Variants in NLGN4X observed in about 807,000 individuals in gnomAD.
NLGN4X encodes neuroligin-4, X-linked.
NLGN4X carries 3 observed loss-of-function variants against 40.3 expected under a neutral mutation model. The observed-to-expected ratio is 0.07, with a 90% CI of 0.03 to 0.19. The LOEUF (loss-of-function observed/expected upper bound fraction) is 0.19. Ranked by LOEUF, NLGN4X falls within the 10% of genes least tolerant of loss-of-function variation. NLGN4X has a pLI of 1.00. For synonymous variants in NLGN4X, 270 were observed against 306.8 expected, an observed-to-expected ratio of 0.88 and a Z score of 1.25; for missense variants, 382 against 708.3, an observed-to-expected ratio of 0.54 and a Z score of 5.23.
At chrX:6,044,899 C>A (rs185701118) in intron 2 of NLGN4X, among the ~76,000 whole-genome samples, 2 of 112,396 alleles carry the variant, frequency 1.8e-5, no homozygotes, top group Non-Finnish European at 3.8e-5. Context: ...TCTAAAGGAA[C>A]ACTTAGGGAA....
At chrX:6,158,974 C>T (rs1451745438) in intron 1 of NLGN4X, among the ~76,000 whole-genome samples, 2 of 111,808 alleles carry the variant, frequency 1.8e-5, no homozygotes, top group Non-Finnish European at 3.8e-5. Flanking sequence ...TTGCCACAAT[C>T]CAGATATCCA....
chrX:5,984,979 AAAT>A (rs1299914732), intron 3 of NLGN4X, among the ~76,000 whole-genome samples: 2 of 112,154 alleles, frequency 1.8e-5, no homozygotes, highest in East Asian at 2.8e-4. Context: ...ATTAATATTG[AAAT>A]AATAAGATAA....
intron 3 of NLGN4X, among the ~76,000 whole-genome samples, chrX:6,017,668 G>T (rs1220249692): frequency 2.7e-5 from 3 of 111,836 alleles, no homozygotes; most frequent in Non-Finnish European, 3.8e-5. Flanking sequence ...TCAGTCAGTA[G>T]AAATCATATT....
intron 2 of NLGN4X, among the ~76,000 whole-genome samples, chrX:6,086,793 G>C (rs1283134879): frequency 1.8e-5 from 2 of 110,584 alleles, no homozygotes; most frequent in East Asian, 5.7e-4. Flanking sequence ...CACCACGCCT[G>C]GCTAGATTTT....
At chrX:6,155,563 G>A (rs1183712839) in intron 1 of NLGN4X, among the ~76,000 whole-genome samples, 2 of 111,496 alleles carry the variant, frequency 1.8e-5, no homozygotes, top group Non-Finnish European at 3.8e-5. Flanking sequence ...TCCACGCATG[G>A]CCATGCATGC....
intron 3 of NLGN4X, among the ~76,000 whole-genome samples, chrX:5,933,793 C>T (rs2033640422): frequency 9.0e-6 from 1 of 111,155 alleles, no homozygotes; most frequent in Non-Finnish European, 1.9e-5. Flanking sequence ...ATGGTTTAAA[C>T]TCATGAATTT....
At chrX:6,012,831 G>C (rs939335713) in intron 3 of NLGN4X, among the ~76,000 whole-genome samples, 40 of 111,525 alleles carry the variant, frequency 3.6e-4, no homozygotes, top group African/African-American at 1.2e-3. Flanking sequence ...CCCAGGGAAA[G>C]GCAGCCCTGC....
At chrX:5,921,133 T>TA (rs2033017445) in intron 3 of NLGN4X, among the ~76,000 whole-genome samples, 2 of 65,015 alleles carry the variant, frequency 3.1e-5, no homozygotes, top group Non-Finnish European at 5.3e-5. Context: ...TAAGTATTTT[T>TA]TATATATATA....
chrX:5,901,324 C>T (rs1020734242), intron 5 of NLGN4X, among the ~76,000 whole-genome samples: 5 of 112,055 alleles, frequency 4.5e-5, no homozygotes, highest in East Asian at 2.8e-4. Flanking sequence ...AGCCTCATTC[C>T]GCACGGGAAG....
intron 1 of NLGN4X, chrX:6,226,551 T>A (rs778953595): frequency 8.1e-5 from 9 of 111,309 alleles, no homozygotes; most frequent in African/African-American, 3.0e-4. Flanking sequence ...GGCCCAGGGT[T>A]GCACGGAGCA....
rs558201466 is a variant in NLGN4X at position 6,112,469 on chromosome X, T to A, written c.472+38526A>T. 4.1e-4 allele frequency among the ~76,000 whole-genome samples: 46 copies of A among 111,078 alleles called. 1 individual carries two copies. In the South Asian group the frequency reaches 0.017, roughly 42 times the overall value. On this transcript the variant is annotated intron_variant, in intron 2 of 5. Transcript: ENST00000381095. ...ATATGTAAATGAGGGAATAAATAAA[T>A]GAGTAGGCGAGAATAGGCACATCTC...
chrX:6,014,054 G>A (rs1169510054), intron 3 of NLGN4X, among the ~76,000 whole-genome samples: 1 of 108,157 alleles, frequency 9.2e-6, no homozygotes, highest in Admixed American at 1.0e-4. Context: ...TGGTGGTGCG[G>A]GCCTGTAGTC....
intron 1 of NLGN4X, among the ~76,000 whole-genome samples, chrX:6,156,368 G>C (rs1442460076): frequency 9.0e-6 from 1 of 111,011 alleles, no homozygotes; most frequent in Non-Finnish European, 1.9e-5. Flanking sequence ...AATTAGCTGG[G>C]CGTGGTGGCG....
rs1556005145 is a variant in NLGN4X at position 6,200,687 on chromosome X, C to CTTTTTTTTTTCT, written c.-306+27853_-306+27854insAGAAAAAAAAAA. On this transcript the variant is annotated intron_variant, in intron 1 of 5. Transcript: ENST00000381095. ...ATGCTTAATTTATTCCTTTCCTTTTCTTTTTTTTTTTTTTTTTTTTACAAG... is the reference window on the plus strand; with the variant it reads ...ATGCTTAATTTATTCCTTTCCTTTTCTTTTTTTTTTCTTTTTTTTTTTTTTTTTTTTTACAAG... Among the ~76,000 whole-genome samples the CTTTTTTTTTTCT allele has an allele frequency of 2.9e-3, 161 of 55,556 alleles. 1 individual carries two copies. Among genetic ancestry groups the CTTTTTTTTTTCT allele is most frequent in the African/African-American group, 0.013 (147 of 11,514 alleles). 48.2% of individuals were successfully genotyped at this position (55,556 alleles called of 115,157 possible). A position where few individuals can be genotyped will look rare whatever the true frequency, so the allele number is the denominator to read the frequency against.
intron 2 of NLGN4X, among the ~76,000 whole-genome samples, chrX:6,072,566 A>G (rs2147369121): frequency 8.9e-6 from 1 of 111,797 alleles, no homozygotes; most frequent in East Asian, 2.8e-4. Context: ...ACATGCAAAA[A>G]TTATAGATCT....
chrX:5,938,053 GGGTTTGGGTTCAAGTTCA>G (rs2033791446), intron 3 of NLGN4X, among the ~76,000 whole-genome samples: 1 of 111,733 alleles, frequency 8.9e-6, no homozygotes, highest in African/African-American at 3.3e-5. Context: ...GGTAGGGTCA[GGGTTTGGGTTCAAGTTCA>G]GGTTTGGGTA....
chrX:6,125,183 CAAG>C (rs2039513759), intron 2 of NLGN4X, among the ~76,000 whole-genome samples: 1 of 111,332 alleles, frequency 9.0e-6, no homozygotes, highest in Non-Finnish European at 1.9e-5. Flanking sequence ...TACAAGGTAA[CAAG>C]AAGAATTGGA....
chrX:6,153,210 T>C (rs2040200210), intron 1 of NLGN4X, among the ~76,000 whole-genome samples: 1 of 111,964 alleles, frequency 8.9e-6, no homozygotes, highest in South Asian at 3.7e-4. Flanking sequence ...CACATGGCTT[T>C]TTTTTTTTAA....
intron 2 of NLGN4X, among the ~76,000 whole-genome samples, chrX:6,144,582 C>T (rs1022478991): frequency 9.0e-6 from 1 of 111,287 alleles, no homozygotes; most frequent in Non-Finnish European, 1.9e-5. Flanking sequence ...CTGTCTCTTC[C>T]GGCTTCTAGA....
Sources: gnomAD v4.1 joint callset for allele counts (sites outside exome capture counted in the v4.1 genomes callset) on GRCh38, gnomAD v4.1.1 for gene constraint, MANE v1.5 for transcripts, NCBI Gene and HGNC (gene_info 2026-07-23, HGNC 2026-07-21) for gene names.